The following NPFFR2 variants were observed in gnomAD, a reference collection of about 807,000 sequenced individuals.
NPFFR2 encodes neuropeptide FF receptor 2.
NPFFR2 carries 15 observed loss-of-function variants against 13.1 expected under a neutral mutation model. The ratio of observed to expected loss-of-function variants is 1.15; its 90% CI spans 0.77 to 1.76. The LOEUF is 1.76. Among genes scored for constraint, NPFFR2 ranks in the 40% most tolerant of loss-of-function variants. NPFFR2 has a pLI of 0.00. For missense variants in NPFFR2, 572 were observed against 503.5 expected, an observed-to-expected ratio of 1.14 and a Z score of -1.30; for synonymous variants, 190 against 175.7, an observed-to-expected ratio of 1.08 and a Z score of -0.65.
Position 72,128,835 on chromosome 4 carries a change from C to CT in NPFFR2, c.245dup (p.Phe83LeufsTer9). 6.2e-7 allele frequency: 1 copy of CT among 1,614,110 alleles called. No homozygotes were observed. The highest frequency in any genetic ancestry group is 8.5e-7 in the Non-Finnish European group (1 of 1,179,972). ...CAAACATATGCACACAGTCACTAATCTCTTCATCTTAAACCTGGCCATAAG... is the reference window on the plus strand; with the variant it reads ...CAAACATATGCACACAGTCACTAATCTTCTTCATCTTAAACCTGGCCATAAG... On this transcript the variant is annotated frameshift_variant, in exon 2 of 4. Transcript: ENST00000308744. LOFTEE classifies it high-confidence loss of function.
At chr4:72,121,442 A>G (rs1416993809) in intron 1 of NPFFR2, among the ~76,000 whole-genome samples, 10 of 152,200 alleles carry the variant, frequency 6.6e-5, no homozygotes, top group Non-Finnish European at 1.3e-4. Flanking sequence ...ACCAAGAAAC[A>G]TAATCATCAG....
intron 2 of NPFFR2, 27 bp downstream of exon 2, chr4:72,128,946 G>A (rs747933686): frequency 5.9e-6 from 9 of 1,519,044 alleles, no homozygotes; most frequent in Non-Finnish European, 8.1e-6. Context: ...GCAGTTTGAA[G>A]ATAATATGAA....
intron 2 of NPFFR2, among the ~76,000 whole-genome samples, chr4:72,133,373 A>G (rs1423634819): frequency 1.3e-5 from 2 of 152,000 alleles, no homozygotes; most frequent in Non-Finnish European, 2.9e-5. Context: ...CTATGTGTCT[A>G]TTTTTGTACT....
intron 1 of NPFFR2, among the ~76,000 whole-genome samples, chr4:72,104,273 T>C (rs1162784229): frequency 1.3e-5 from 2 of 152,112 alleles, no homozygotes; most frequent in Non-Finnish European, 2.9e-5. Flanking sequence ...TCCTTGATGA[T>C]GATGTCGATT....
chr4:72,138,455 C>T (rs553884934), intron 3 of NPFFR2, among the ~76,000 whole-genome samples: 2 of 150,596 alleles, frequency 1.3e-5, no homozygotes, highest in South Asian at 2.1e-4. Context: ...TGTTCCCTGC[C>T]GTGTGTCCAA....
At chr4:72,040,273 T>A (rs1578416273) in intron 1 of NPFFR2, among the ~76,000 whole-genome samples, 2 of 152,274 alleles carry the variant, frequency 1.3e-5, no homozygotes, top group Admixed American at 1.3e-4. Flanking sequence ...TACTGAAGGA[T>A]TTTTATTTTT....
rs1229417000 is a variant in NPFFR2 at position 72,128,685 on chromosome 4, A to G, written c.94A>G (p.Ile32Val). The stretch of plus-strand genomic sequence containing the variant: ...GCATCATCTGTACTCAGATATTAAT[A>G]TTACCTATGTGAACTACTATCTTCA... Reference protein sequence around the residue: ...TKHHLYSDINITYVNYYLHQP... With the variant: ...TKHHLYSDINVTYVNYYLHQP... Residue 32 changes from isoleucine (I) to valine (V), a missense_variant, in exon 2 of 4, where the codon ATT becomes GTT. By Grantham distance (29) the Ile-to-Val change is conservative. Transcript: ENST00000308744. 8.1e-6 allele frequency: 13 copies of G among 1,613,392 alleles called. No homozygotes were observed. Among genetic ancestry groups the G allele is most frequent in the South Asian group, 1.1e-5 (1 of 91,072 alleles).
At chr4:72,033,010 T>C (rs1469109653) in intron 1 of NPFFR2, among the ~76,000 whole-genome samples, 1 of 152,224 alleles carries the variant, frequency 6.6e-6, no homozygotes, top group Non-Finnish European at 1.5e-5. Context: ...TTTCCTTTTT[T>C]TAATCCAAAT....
At chr4:72,072,395 G>C (rs910579744) in intron 1 of NPFFR2, among the ~76,000 whole-genome samples, 3 of 151,946 alleles carry the variant, frequency 2.0e-5, no homozygotes, top group Admixed American at 2.0e-4. Context: ...AAGAAAAAAA[G>C]AGAATTTGGA....
rs1404474562 is a variant in NPFFR2, at chr4:72,147,024, A to G, written c.475A>G (p.Thr159Ala). The G allele has an allele frequency of 3.1e-6, 5 of 1,613,956 alleles. No homozygotes were observed. The highest frequency in any genetic ancestry group is 4.2e-6 in the Non-Finnish European group (5 of 1,179,980). ...YPFKPKLTIK[T>A]AFVIIMIIWV... The stretch of plus-strand genomic sequence containing the variant: ...TTTTAAACCAAAGCTCACTATCAAG[A>G]CAGCGTTTGTCATTATTATGATCAT... Residue 159 changes from threonine (T) to alanine (A), a missense_variant, in exon 4 of 4, where the codon ACA (threonine) becomes GCA (alanine). By Grantham distance (58) the Thr-to-Ala change is moderately conservative. Transcript: ENST00000308744.
intron 1 of NPFFR2, among the ~76,000 whole-genome samples, chr4:72,123,748 T>C (rs1477773559): frequency 1.3e-5 from 2 of 152,176 alleles, no homozygotes; most frequent in Non-Finnish European, 2.9e-5. Context: ...AAACTAGATA[T>C]TGATGGAATG....
chr4:72,058,851 A>G (rs1451923830), intron 1 of NPFFR2, among the ~76,000 whole-genome samples: 3 of 152,024 alleles, frequency 2.0e-5, no homozygotes, highest in African/African-American at 7.2e-5. Flanking sequence ...ACACCACAGC[A>G]TGTACCTGCT....
At chr4:72,048,575 A>G (rs958922146) in intron 1 of NPFFR2, among the ~76,000 whole-genome samples, 32 of 152,146 alleles carry the variant, frequency 2.1e-4, no homozygotes, top group African/African-American at 7.7e-4. Flanking sequence ...GCTTAAAAAT[A>G]TATAAAAGAG....
chr4:72,145,230 A>G (rs1578486210), intron 3 of NPFFR2, among the ~76,000 whole-genome samples: 1 of 148,282 alleles, frequency 6.7e-6, no homozygotes, highest in Non-Finnish European at 1.5e-5. Context: ...ATACTCATAT[A>G]TGTACATTTA....
intron 1 of NPFFR2, among the ~76,000 whole-genome samples, chr4:72,049,118 G>A (rs1719468380): frequency 6.6e-6 from 1 of 152,026 alleles, no homozygotes; most frequent in African/African-American, 2.4e-5. Flanking sequence ...TAATTGGATT[G>A]TTTTATCTGA....
chr4:72,127,303 CAAAAAAA>C (rs772559589), intron 1 of NPFFR2, among the ~76,000 whole-genome samples: 5 of 11,418 alleles, frequency 4.4e-4, no homozygotes, highest in South Asian at 0.011. Flanking sequence ...GACTCCATCT[CAAAAAAA>C]AAAAAAAAAA....
chr4:72,097,246 CTATAA>C (rs1267334012), intron 1 of NPFFR2, among the ~76,000 whole-genome samples: 7 of 152,038 alleles, frequency 4.6e-5, no homozygotes, highest in African/African-American at 9.7e-5. Flanking sequence ...GTTTTTGTGG[CTATAA>C]TATATTATTG....
rs756510422 is a variant in NPFFR2, at chr4:72,147,230, C to G, written c.681C>G (p.Ile227Met). The G allele has an allele frequency of 6.2e-7, 1 of 1,614,196 alleles. No homozygotes were observed. Among genetic ancestry groups the G allele is most frequent in the Non-Finnish European group, 8.5e-7 (1 of 1,180,022 alleles). Reference sequence around the variant, plus strand: ...ACACCACTGTGCTGTTTGCCAACATCTACCTGGCTCCCCTCTCCCTCATTG... The same window carrying G: ...ACACCACTGTGCTGTTTGCCAACATGTACCTGGCTCCCCTCTCCCTCATTG... ...KIYTTVLFAN[I>M]YLAPLSLIVI... Residue 227 changes from isoleucine to methionine, a missense_variant, in exon 4 of 4, where the codon ATC becomes ATG. Coordinates refer to ENST00000308744, the MANE Select transcript of NPFFR2 (RefSeq NM_004885.3).
chr4:72,128,679 A>G lies in NPFFR2; in HGVS notation c.88A>G (p.Ile30Val). ...CACAAAGCATCATCTGTACTCAGAT[A>G]TTAATATTACCTATGTGAACTACTA... ...NDTKHHLYSD[I>V]NITYVNYYLH... The change falls in exon 2 of 4, where the codon ATT (isoleucine) becomes GTT (valine). Residue 30 changes from isoleucine to valine, a missense_variant. Ile to Val is a conservative substitution (Grantham distance 29, BLOSUM62 3). Transcript: ENST00000308744. 6.2e-7 allele frequency: 1 copy of G among 1,613,700 alleles called. No individual in the cohort carries two copies. The highest frequency in any genetic ancestry group is 8.5e-7 in the Non-Finnish European group (1 of 1,179,580).
Sources: allele counts gnomAD v4.1 joint callset (sites outside exome capture counted in the v4.1 genomes callset), GRCh38; gene constraint gnomAD v4.1.1; transcripts MANE v1.5; gene names NCBI Gene and HGNC (gene_info 2026-07-23, HGNC 2026-07-21).